The following SLC25A48 variants were observed in gnomAD, a reference collection of about 807,000 sequenced individuals.
SLC25A48 encodes the protein solute carrier family 25 member 48, also known as CTC-321K16.1.
A neutral mutation model predicts 32.2 loss-of-function variants in SLC25A48; 29 were observed. The observed-to-expected ratio is 0.90, with a 90% CI of 0.67 to 1.23. The LOEUF (loss-of-function observed/expected upper bound fraction) is 1.23, where lower values mean the gene tolerates loss of function less well. Among genes scored for constraint, SLC25A48 ranks in the 50% most tolerant of loss-of-function variants. The probability of loss-of-function intolerance (pLI) is 0.00; values close to 1 mark genes in which losing one functional copy is unlikely to be tolerated. For synonymous variants in SLC25A48, 164 were observed against 172.3 expected, an observed-to-expected ratio of 0.95 and a Z score of 0.38; for missense variants, 399 against 422.7, an observed-to-expected ratio of 0.94 and a Z score of 0.49.
intron 3 of SLC25A48, among the ~76,000 whole-genome samples, chr5:135,723,349 G>A (rs1755007145): frequency 7.3e-6 from 1 of 136,544 alleles, no homozygotes; most frequent in South Asian, 2.5e-4. Flanking sequence ...CAGTGGAAGG[G>A]AGTCTGTCTC....
intron 3 of SLC25A48, among the ~76,000 whole-genome samples, chr5:135,755,776 A>G (rs533231750): frequency 2.3e-4 from 35 of 152,136 alleles, no homozygotes; most frequent in African/African-American, 8.2e-4. Context: ...CGTAGTGTCA[A>G]TGCACTATGG....
In SLC25A48 at chr5:135,616,946, T is replaced by C. The variant is rs370144614; in HGVS notation, c.-848-12291T>C. On this transcript the variant is annotated intron_variant, in intron 1 of 10. Coordinates refer to the SLC25A48 transcript ENST00000646290. ...TTTTTGTTGTGTCCTTATCTGGTTT[T>C]GGTATCAGGGTAATGTTGGCCTCAT... Among the ~76,000 whole-genome samples, 27 of 152,348 alleles carry C rather than the reference T, an allele frequency of 1.8e-4. 1 individual carries two copies. The highest frequency in any genetic ancestry group is 6.3e-4 in the African/African-American group (26 of 41,586).
intron 3 of SLC25A48, among the ~76,000 whole-genome samples, chr5:135,756,530 G>T (rs547813360): frequency 2.6e-5 from 4 of 152,012 alleles, no homozygotes; most frequent in Non-Finnish European, 5.9e-5. Flanking sequence ...AATTATCTGG[G>T]CGTGGTGGTG....
intron 1 of SLC25A48, among the ~76,000 whole-genome samples, chr5:135,618,599 G>A (rs1187337154): frequency 6.6e-6 from 1 of 151,844 alleles, no homozygotes; most frequent in African/African-American, 2.4e-5. Flanking sequence ...TCTACCAGTG[G>A]TTTTTATGTT....
At chr5:135,609,394 G>A (rs940357494) in intron 1 of SLC25A48, 51 of 152,160 alleles carry the variant, frequency 3.4e-4, no homozygotes, top group African/African-American at 1.2e-3. Flanking sequence ...GATTAATGAT[G>A]AACGACTAAA....
chr5:135,655,480 C>A (rs1753221883), intron 3 of SLC25A48, among the ~76,000 whole-genome samples: 2 of 152,176 alleles, frequency 1.3e-5, no homozygotes, highest in African/African-American at 4.8e-5. Context: ...TCTATCGCGT[C>A]TAATTCCAGC....
intron 3 of SLC25A48, among the ~76,000 whole-genome samples, chr5:135,665,798 G>A (rs1367428735): frequency 1.3e-5 from 2 of 149,134 alleles, no homozygotes; most frequent in African/African-American, 4.9e-5. Flanking sequence ...CTTGAGTCCT[G>A]CCTCCAAGAT....
At chr5:135,723,868 C>G (rs539096801) in intron 3 of SLC25A48, among the ~76,000 whole-genome samples, 1 of 152,308 alleles carries the variant, frequency 6.6e-6, no homozygotes, top group African/African-American at 2.4e-5. Context: ...CCCACATTAG[C>G]TGAGAAACAA....
At chr5:135,718,586 G>GT (rs1169792095) in intron 3 of SLC25A48, among the ~76,000 whole-genome samples, 1 of 152,102 alleles carries the variant, frequency 6.6e-6, no homozygotes, top group Non-Finnish European at 1.5e-5. Context: ...ATATAAACGT[G>GT]TTTTTTATTA....
At chr5:135,878,255 G>C (rs1014161144) in intron 6 of SLC25A48, among the ~76,000 whole-genome samples, 2 of 152,180 alleles carry the variant, frequency 1.3e-5, no homozygotes, top group Non-Finnish European at 2.9e-5. Context: ...GGGACAGAAG[G>C]CTCACACTCC....
chr5:135,803,835 T>C (rs1052763887), intron 3 of SLC25A48, among the ~76,000 whole-genome samples: 1 of 151,646 alleles, frequency 6.6e-6, no homozygotes, highest in African/African-American at 2.4e-5. Context: ...GTGCACATCT[T>C]GTGTATACCT....
chr5:135,653,563 T>C (rs972719058), intron 3 of SLC25A48, among the ~76,000 whole-genome samples: 1 of 152,126 alleles, frequency 6.6e-6, no homozygotes, highest in East Asian at 1.9e-4. Flanking sequence ...GCCATAGATA[T>C]CAATTATAAC....
At chr5:135,776,516 T>TAACATTA (rs952948215) in intron 3 of SLC25A48, among the ~76,000 whole-genome samples, 19 of 151,932 alleles carry the variant, frequency 1.3e-4, no homozygotes, top group Non-Finnish European at 4.4e-5. Flanking sequence ...GGGAAGAAGA[T>TAACATTA]AACATTACTT....
intron 1 of SLC25A48, among the ~76,000 whole-genome samples, chr5:135,582,121 G>A (rs1751248076): frequency 2.0e-5 from 3 of 152,226 alleles, no homozygotes; most frequent in Non-Finnish European, 4.4e-5. Context: ...TAGACGTGAA[G>A]TGTGGGGGCA....
In SLC25A48 at chr5:135,650,498, G is replaced by A. The variant is rs117250012; in HGVS notation, c.-521+15542G>A. 466 of 454,696 alleles carry A rather than the reference G, an allele frequency of 1.0e-3. 6 individuals are homozygous for A. The East Asian group carries it at 0.029, about 28-fold the overall frequency. The allele number at this position is 454,696 out of a possible 1,614,324, so 28.2% of individuals were successfully genotyped here. ...ATCAGGAGGGTGCTGCCTTGGAGAA[G>A]GATGACTCCAGGACAAGGGATGACC... is the stretch of plus-strand genomic sequence containing the variant. On this transcript the variant is annotated intron_variant, in intron 3 of 10. Coordinates refer to the SLC25A48 transcript ENST00000646290.
chr5:135,747,004 T>TTG (rs1554071634), intron 3 of SLC25A48, among the ~76,000 whole-genome samples: 4 of 151,826 alleles, frequency 2.6e-5, no homozygotes, highest in Non-Finnish European at 4.4e-5. Context: ...GTTGTTGTTT[T>TTG]TTTTTCCTGC....
chr5:135,579,337 A>G (rs1260325372), exon 1 of SLC25A48: 4 of 154,926 alleles, frequency 2.6e-5, no homozygotes, highest in Non-Finnish European at 4.3e-5. Flanking sequence ...GCTGAAGGGC[A>G]CTGCTTTTCT....
intron 4 of SLC25A48, among the ~76,000 whole-genome samples, chr5:135,853,717 C>T (rs533771388): frequency 6.3e-4 from 96 of 152,300 alleles, no homozygotes; most frequent in African/African-American, 2.2e-3. Context: ...TTGGGGTTAA[C>T]TACTTCCAAA....
intron 4 of SLC25A48, among the ~76,000 whole-genome samples, chr5:135,859,426 C>T (rs1760604795): frequency 6.6e-6 from 1 of 152,200 alleles, no homozygotes; most frequent in African/African-American, 2.4e-5. Flanking sequence ...AGATCCCTCC[C>T]ATGACACATG....
Sources: allele counts gnomAD v4.1 joint callset (sites outside exome capture counted in the v4.1 genomes callset), GRCh38; gene constraint gnomAD v4.1.1; transcripts MANE v1.5; gene names NCBI Gene and HGNC (gene_info 2026-07-23, HGNC 2026-07-21).